KAT8: variants seen among roughly 807,000 people sequenced by gnomAD.
KAT8 encodes the protein lysine acetyltransferase 8, also known as histone acetyltransferase KAT8.
KAT8 carries 40 observed loss-of-function variants against 62.9 expected under a neutral mutation model. That is an observed-to-expected ratio of 0.64 (90% CI 0.49 to 0.83). KAT8 has a LOEUF of 0.83. KAT8 is among the 40% of genes least tolerant of loss of function. The probability of loss-of-function intolerance (pLI) is 0.00; values close to 1 mark genes in which losing one functional copy is unlikely to be tolerated. For missense variants in KAT8, 387 were observed against 614.8 expected (o/e 0.63, Z 3.92); for synonymous variants, 278 against 254.5 (o/e 1.09, Z -0.88).
chr16:31,120,073 C>T (rs2057481934), intron 1 of KAT8, 113 bp from the exon 2 acceptor site: 8 of 804,084 alleles, frequency 9.9e-6, no homozygotes, highest in Non-Finnish European at 1.7e-5. Context: ...AGAGGTGGAC[C>T]AGTGAGGTTA....
chr16:31,131,007 G>C, intron 10 of KAT8, 107 bp downstream of exon 10: 1 of 1,522,398 alleles, frequency 6.6e-7, no homozygotes. Flanking sequence ...AAACCAGTCA[G>C]ACCAGCTCCC....
At chr16:31,126,791 C>G in intron 3 of KAT8, 1 of 495,978 alleles carries the variant, frequency 2.0e-6, no homozygotes, top group South Asian at 2.2e-5. Flanking sequence ...GTTCATCTGG[C>G]AAAAGGTCCA....
At chr16:31,118,058 C>T (rs2143960856) in intron 1 of KAT8, 166 bp downstream of exon 1, 2 of 515,080 alleles carry the variant, frequency 3.9e-6, no homozygotes, top group Non-Finnish European at 6.2e-6. Context: ...GCTGAGAAAC[C>T]AGCCGGGTTG....
intron 3 of KAT8, among the ~76,000 whole-genome samples, chr16:31,123,259 C>G (rs955841185): frequency 6.6e-5 from 10 of 151,802 alleles, no homozygotes; most frequent in South Asian, 4.2e-4. Context: ...CTCTGTTAAC[C>G]AGGCTGGAGT....
intron 3 of KAT8, 61 bp from the exon 4 acceptor site, chr16:31,126,974 G>A (rs1197515298): frequency 3.2e-6 from 5 of 1,586,746 alleles, no homozygotes; most frequent in Non-Finnish European, 4.3e-6. Flanking sequence ...GGGTCCTGAC[G>A]GGAGGGACAG....
Position 31,127,437 on chromosome 16 carries a change from G to A in KAT8, c.681+84G>A, listed in dbSNP as rs1246673895. 47 of 1,429,858 alleles carry A rather than the reference G, an allele frequency of 3.3e-5. No individual in the cohort carries two copies. In the East Asian group the frequency reaches 8.7e-4, roughly 26 times the overall value. 88.6% of individuals were successfully genotyped at this position (1,429,858 alleles called of 1,614,324 possible). Reference sequence around the variant, plus strand: ...CATGGAGACTGAGGGCGGCTGCGCCGGCAGCTCCAGGGAGGAGACAGGCCC... The same window carrying A: ...CATGGAGACTGAGGGCGGCTGCGCCAGCAGCTCCAGGGAGGAGACAGGCCC... On this transcript the variant is annotated intron_variant, in intron 5 of 10. Transcript: ENST00000219797.
chr16:31,118,054 A>G, intron 1 of KAT8, 162 bp downstream of exon 1: 1 of 533,160 alleles, frequency 1.9e-6, no homozygotes, highest in Non-Finnish European at 3.0e-6. Context: ...GGGCGCTGAG[A>G]AACCAGCCGG....
intron 6 of KAT8, among the ~76,000 whole-genome samples, chr16:31,128,383 A>G (rs577449935): frequency 1.6e-4 from 25 of 152,306 alleles, no homozygotes; most frequent in African/African-American, 5.8e-4. Flanking sequence ...CTCCTCGACT[A>G]AAAATACAAA....
intron 3 of KAT8, among the ~76,000 whole-genome samples, chr16:31,123,225 T>G (rs2057510324): frequency 1.3e-5 from 2 of 152,178 alleles, no homozygotes; most frequent in Admixed American, 6.5e-5. Context: ...AATTTTATTT[T>G]TATTTTTTCG....
At position 31,127,056 on chromosome 16, in the gene KAT8, A is replaced by AC; in HGVS notation, c.486dup (p.Thr163HisfsTer9). On this transcript the variant is annotated frameshift_variant, in exon 4 of 11. Coordinates refer to ENST00000219797, the MANE Select transcript of KAT8 (RefSeq NM_032188.3). LOFTEE classifies it high-confidence loss of function. ...CCAGACTTATGCAGAGATGGACCCC[A>AC]CCACAGCAGCCTTGGAGAAGGAGCA... 1 of 1,614,040 alleles carries AC rather than the reference A, an allele frequency of 6.2e-7. No individual in the cohort carries two copies. The highest frequency in any genetic ancestry group is 8.5e-7 in the Non-Finnish European group (1 of 1,179,984).
intron 6 of KAT8, 56 bp downstream of exon 6, chr16:31,128,195 A>G (rs2057547870): frequency 1.1e-5 from 15 of 1,328,498 alleles, no homozygotes; most frequent in Non-Finnish European, 1.6e-5. Flanking sequence ...CACCTCCCAG[A>G]TGATCCTCAT....
Position 31,119,932 on chromosome 16 carries a change from C to T in KAT8, c.212-254C>T, listed in dbSNP as rs189485982. 1.4e-4 allele frequency among the ~76,000 whole-genome samples: 22 copies of T among 152,092 alleles called. No individual in the cohort carries two copies. The East Asian group carries it at 2.3e-3, about 16-fold the overall frequency. On this transcript the variant is annotated intron_variant, in intron 1 of 10. Transcript: ENST00000219797. ...CTGGCCTCAAGTGATCTGCCCATCT[C>T]GGCCTCCAGAAGTACTGGGATTACA...
chr16:31,130,494 C>A lies in KAT8; in HGVS notation c.1045C>A (p.Pro349Thr), dbSNP rs1441242499. 6.2e-7 allele frequency: 1 copy of A among 1,614,094 alleles called. No homozygotes were observed. ...CAAGCTGGAGAGCACAGTCGGCTCCCCGGAGAAGCCACTGTCTGACCTGGG... is the reference window on the plus strand; with the variant it reads ...CAAGCTGGAGAGCACAGTCGGCTCCACGGAGAAGCCACTGTCTGACCTGGG... ...LSKLESTVGS[P>T]EKPLSDLGKL... is the part of the protein sequence containing the mutation. The change falls in exon 9 of 11, where the codon CCG becomes ACG. Residue 349 changes from proline to threonine, a missense_variant. Around this residue, in one of 6 missense-constraint regions of KAT8, gnomAD observed 141 missense variants for 222.5 expected, o/e 0.63. Coordinates refer to ENST00000219797, the MANE Select transcript of KAT8 (RefSeq NM_032188.3).
chr16:31,123,263 C>T (rs1230001182), intron 3 of KAT8, among the ~76,000 whole-genome samples: 1 of 152,154 alleles, frequency 6.6e-6, no homozygotes, highest in Non-Finnish European at 1.5e-5. Flanking sequence ...GTTAACCAGG[C>T]TGGAGTGCAG....
In KAT8 at chr16:31,130,790, A is replaced by C; in HGVS notation, c.1202A>C (p.Gln401Pro). ...ITQNDIISTLQSLNMVKYWKG... is the reference protein window; with the variant it reads ...ITQNDIISTLPSLNMVKYWKG... The stretch of plus-strand genomic sequence containing the variant: ...CAAAATGACATCATCAGTACCCTGC[A>C]ATCCCTCAATATGGTCAAGTACTGG... The change falls in exon 10 of 11, where the codon CAA becomes CCA. Residue 401 changes from glutamine (Q) to proline (P), a missense_variant. Around this residue, in one of 6 missense-constraint regions of KAT8, gnomAD observed 75 missense variants for 105.7 expected, o/e 0.71. Coordinates refer to ENST00000219797, the MANE Select transcript of KAT8 (RefSeq NM_032188.3). The C allele has an allele frequency of 7.4e-6, 12 of 1,614,174 alleles. No homozygotes were observed. Among genetic ancestry groups the C allele is most frequent in the Non-Finnish European group, 1.0e-5 (12 of 1,180,024 alleles).
In KAT8 at chr16:31,128,030, G is replaced by A; in HGVS notation, c.682-20G>A. 6.2e-7 allele frequency: 1 copy of A among 1,607,674 alleles called. No homozygotes were observed. The highest frequency in any genetic ancestry group is 1.1e-5 in the South Asian group (1 of 90,958). On this transcript the variant is annotated intron_variant, in intron 5 of 10. Transcript: ENST00000219797. ...CAGAGAACATATGGGCAGCGAACCT[G>A]TTCTCTTGTCCCCGACCAGGGTCAG...
intron 3 of KAT8, among the ~76,000 whole-genome samples, chr16:31,124,533 G>A (rs988282551): frequency 1.3e-5 from 2 of 151,990 alleles, no homozygotes; most frequent in Non-Finnish European, 2.9e-5. Flanking sequence ...GGAGTTGGAG[G>A]CCAGCATGGC....
rs2057537995 is a variant in KAT8 at position 31,127,181 on chromosome 16, G to A, written c.517-8G>A. 6.2e-7 allele frequency: 1 copy of A among 1,614,108 alleles called. No homozygotes were observed. The highest frequency in any genetic ancestry group is 1.3e-5 in the African/African-American group (1 of 74,940). On this transcript the variant is annotated splice_polypyrimidine_tract_variant and splice_region_variant and intron_variant, in intron 4 of 10. Transcript: ENST00000219797. ...GTGCACTGTGCCTCACTCCCACCCT[G>A]CCTGCAGATCACCAAGGTGAAGTAT...
intron 9 of KAT8, 27 bp downstream of exon 9, chr16:31,130,633 G>C: frequency 6.2e-7 from 1 of 1,612,916 alleles, no homozygotes. Flanking sequence ...GGCCCTGGGG[G>C]CAGGACTTGC....
Sources: allele counts gnomAD v4.1 joint callset (sites outside exome capture counted in the v4.1 genomes callset), GRCh38; gene constraint gnomAD v4.1.1; regional missense constraint gnomAD v4.1.1; transcripts MANE v1.5; gene names NCBI Gene and HGNC (gene_info 2026-07-23, HGNC 2026-07-21).